The following SPEG variants were observed in gnomAD, a reference collection of about 807,000 sequenced individuals.
SPEG encodes striated muscle preferentially expressed protein kinase.
SPEG carries 114 observed loss-of-function variants against 300.4 expected under a neutral mutation model. The ratio of observed to expected loss-of-function variants is 0.38; its 90% CI spans 0.33 to 0.44. The LOEUF (loss-of-function observed/expected upper bound fraction) is 0.44. SPEG is among the 20% of genes least tolerant of loss of function. The probability of loss-of-function intolerance (pLI) is 1.00; values close to 1 mark genes in which losing one functional copy is unlikely to be tolerated. For missense variants in SPEG, 4,201 were observed against 4,586.2 expected, an observed-to-expected ratio of 0.92 and a Z score of 2.43; for synonymous variants, 1,964 against 2,018.9, an observed-to-expected ratio of 0.97 and a Z score of 0.73.
intron 9 of SPEG, chr2:219,466,971 G>T: frequency 1.9e-6 from 2 of 1,060,702 alleles, no homozygotes; most frequent in South Asian, 2.7e-5. Flanking sequence ...ACCCTCCCTG[G>T]CCCAGCTTGG....
chr2:219,484,920 C>T lies in SPEG; in HGVS notation c.7457C>T (p.Pro2486Leu), dbSNP rs372980452. Reference sequence around the variant, plus strand: ...GGGGGCGCGTCGGGCCGCAGCACGCCGCTGTTCGGACGGCTTCGCAGGGCC... The same window carrying T: ...GGGGGCGCGTCGGGCCGCAGCACGCTGCTGTTCGGACGGCTTCGCAGGGCC... ...DSGGASGRST[P>L]LFGRLRRATS... Residue 2486 changes from proline to leucine, a missense_variant, in exon 30 of 41, where the codon CCG becomes CTG. Coordinates refer to ENST00000312358, the MANE Select transcript of SPEG (RefSeq NM_005876.5). 1 of 1,527,914 alleles carries T rather than the reference C, an allele frequency of 6.5e-7. No homozygotes were observed. Among genetic ancestry groups the T allele is most frequent in the Non-Finnish European group, 8.7e-7 (1 of 1,144,270 alleles). The allele number at this position is 1,527,914 out of a possible 1,614,324, so 94.6% of individuals were successfully genotyped here.
In SPEG at chr2:219,471,908, T is replaced by A; in HGVS notation, c.3756T>A (p.Pro1252=). The A allele has an allele frequency of 6.2e-7, 1 of 1,614,030 alleles. No individual in the cohort carries two copies. The highest frequency in any genetic ancestry group is 8.5e-7 in the Non-Finnish European group (1 of 1,179,980). The change falls in exon 14 of 41, where the codon CCT becomes CCA. Residue 1252 remains proline, a synonymous_variant. Coordinates refer to ENST00000312358, the MANE Select transcript of SPEG (RefSeq NM_005876.5). ...VHRLVFPAVG[P]QHAGVYKSVI... ...GCTTGGTGTTCCCTGCCGTGGGGCC[T>A]CAGCACGCCGGTGTCTACAAGAGCG... is the stretch of plus-strand genomic sequence containing the variant.
In SPEG at chr2:219,477,648, T is replaced by C; in HGVS notation, c.4730-41T>C. ...TGTCCCAGTCTCTGGCCTGCTTGCTTTCTTCCCCTCCCACCTAACACCATG... is the reference window on the plus strand; with the variant it reads ...TGTCCCAGTCTCTGGCCTGCTTGCTCTCTTCCCCTCCCACCTAACACCATG... On this transcript the variant is annotated intron_variant, in intron 20 of 40. Transcript: ENST00000312358. The surrounding 1 kb of genome is among the most constrained non-coding windows in gnomAD (Gnocchi z 6.4). 6.6e-7 allele frequency: 1 copy of C among 1,509,770 alleles called. No individual in the cohort carries two copies. Among genetic ancestry groups the C allele is most frequent in the South Asian group, 1.3e-5 (1 of 76,954 alleles). 93.5% of individuals were successfully genotyped at this position (1,509,770 alleles called of 1,614,324 possible). A position where few individuals can be genotyped will look rare whatever the true frequency, so the allele number is the denominator to read the frequency against.
At chr2:219,471,019 TTGC>T (rs1318894420) in intron 13 of SPEG, among the ~76,000 whole-genome samples, 4 of 152,200 alleles carry the variant, frequency 2.6e-5, no homozygotes, top group Non-Finnish European at 5.9e-5. Flanking sequence ...TTTAAGGAGC[TTGC>T]AGACCAGGTC....
At chr2:219,482,447 CG>C in intron 28 of SPEG, 1 of 267,834 alleles carries the variant, frequency 3.7e-6, no homozygotes, top group South Asian at 8.9e-5. Flanking sequence ...AGCCAGGACC[CG>C]GGTAAAGGGC....
chr2:219,479,973 G>A lies in SPEG; in HGVS notation c.5175G>A (p.Leu1725=), dbSNP rs1483157280. Residue 1725 remains leucine (L), a synonymous_variant, in exon 25 of 41, where the codon CTG becomes CTA. Transcript: ENST00000312358. The surrounding 1 kb of genome is among the most constrained non-coding windows in gnomAD (Gnocchi z 5.5). ...VLHLDVKPEN[L]LVWDGAAGEQ... ...CTTGTGTCTTCCAGCCTGAGAACCT[G>A]CTGGTGTGGGATGGTGCTGCGGGCG... The A allele has an allele frequency of 6.2e-7, 1 of 1,614,188 alleles. No individual in the cohort carries two copies. Among genetic ancestry groups the A allele is most frequent in the Non-Finnish European group, 8.5e-7 (1 of 1,180,018 alleles).
At position 219,448,910 on chromosome 2, in the gene SPEG, A is replaced by G; in HGVS notation, c.1752A>G (p.Glu584=). The change falls in exon 4 of 41, where the codon GAA becomes GAG. Residue 584 remains glutamate (E), a synonymous_variant. Transcript: ENST00000312358. Reference sequence around the variant, plus strand: ...CGGCGGGCAGGACAGAGCCGGGGGAAGGCCCGCAGCAGGAGGTTAGGCGTC... The same window carrying G: ...CGGCGGGCAGGACAGAGCCGGGGGAGGGCCCGCAGCAGGAGGTTAGGCGTC... ...RGPAGRTEPG[E]GPQQEVRRRD... is the part of the protein sequence containing the mutation. 1 of 1,462,578 alleles carries G rather than the reference A, an allele frequency of 6.8e-7. No individual in the cohort carries two copies. The highest frequency in any genetic ancestry group is 9.0e-7 in the Non-Finnish European group (1 of 1,113,410). The allele number at this position is 1,462,578 out of a possible 1,614,324, so 90.6% of individuals were successfully genotyped here.
chr2:219,448,883 GC>G lies in SPEG; in HGVS notation c.1727del (p.Pro576ArgfsTer23). ...AGCCTGGGAGGCCCAGGAGCCGCGG[GC>G]CGGCGGGCAGGACAGAGCCGGGGGA... ...DEPGRPRSRG[P>X]AGRTEPGEGP... On this transcript the variant is annotated frameshift_variant, in exon 4 of 41. Transcript: ENST00000312358. LOFTEE classifies it high-confidence loss of function. The G allele has an allele frequency of 7.1e-7, 1 of 1,411,016 alleles. No homozygotes were observed. The highest frequency in any genetic ancestry group is 1.5e-5 in the South Asian group (1 of 65,200). The allele number at this position is 1,411,016 out of a possible 1,614,324, so 87.4% of individuals were successfully genotyped here.
rs1011486671 is a variant in SPEG, at chr2:219,484,602, C to A, written c.7139C>A (p.Thr2380Asn). The A allele has an allele frequency of 2.6e-6, 4 of 1,562,702 alleles. No homozygotes were observed. Among genetic ancestry groups the A allele is most frequent in the Non-Finnish European group, 3.5e-6 (4 of 1,158,260 alleles). Residue 2380 changes from threonine (T) to asparagine (N), a missense_variant, in exon 30 of 41, where the codon ACC becomes AAC. Physicochemically the swap from Thr to Asn is moderately conservative, Grantham distance 65. Coordinates refer to ENST00000312358, the MANE Select transcript of SPEG (RefSeq NM_005876.5). Reference protein sequence around the residue: ...DGIYRPSPAGTPLELVRRPER... With the variant: ...DGIYRPSPAGNPLELVRRPER... ...ATATACCGGCCCAGCCCGGCGGGGA[C>A]CCCGCTGGAGCTGGTGCGACGGCCT... is the stretch of plus-strand genomic sequence containing the variant.
intron 15 of SPEG, 144 bp from the exon 16 acceptor site, chr2:219,472,746 G>C (rs1054470874): frequency 4.6e-6 from 3 of 658,734 alleles, no homozygotes; most frequent in Admixed American, 3.1e-5. Context: ...AAGAGCAGAT[G>C]GGGGGACAGG....
In SPEG at chr2:219,444,712, C is replaced by G. The variant is rs1324038831; in HGVS notation, c.448C>G (p.Arg150Gly). Reference protein sequence around the residue: ...DVQGTQRLELRDDGAFSTPTG... With the variant: ...DVQGTQRLELGDDGAFSTPTG... ...GCAGGGAACCCAGCGCCTGGAGCTTCGGGATGACGGGGCCTTCAGCACCCC... is the reference window on the plus strand; with the variant it reads ...GCAGGGAACCCAGCGCCTGGAGCTTGGGGATGACGGGGCCTTCAGCACCCC... Residue 150 changes from arginine (R) to glycine (G), a missense_variant, in exon 2 of 41, where the codon CGG becomes GGG. Coordinates refer to ENST00000312358, the MANE Select transcript of SPEG (RefSeq NM_005876.5). The surrounding 1 kb of genome is among the most constrained non-coding windows in gnomAD (Gnocchi z 7.8). 1 of 1,613,990 alleles carries G rather than the reference C, an allele frequency of 6.2e-7. No individual in the cohort carries two copies.
intron 9 of SPEG, chr2:219,465,967 G>T: frequency 8.9e-7 from 1 of 1,124,776 alleles, no homozygotes; most frequent in Non-Finnish European, 1.3e-6. Flanking sequence ...GCGTGTGCAT[G>T]CGTGTGTGTG....
chr2:219,480,845 G>A lies in SPEG; in HGVS notation c.5369+148G>A. ...CATGTGCATGAAGGTGGACACCCCTGTCTGCATGCCCACACTCTGCCTGTC... is the reference window on the plus strand; with the variant it reads ...CATGTGCATGAAGGTGGACACCCCTATCTGCATGCCCACACTCTGCCTGTC... On this transcript the variant is annotated intron_variant, in intron 26 of 40. Transcript: ENST00000312358. This position sits in a 1 kb window ranked among gnomAD's most constrained non-coding sequence, Gnocchi z 5.3. 1 of 767,392 alleles carries A rather than the reference G, an allele frequency of 1.3e-6. No homozygotes were observed. The highest frequency in any genetic ancestry group is 2.2e-6 in the Non-Finnish European group (1 of 448,006). The allele number at this position is 767,392 out of a possible 1,614,324, so 47.5% of individuals were successfully genotyped here. A position where few individuals can be genotyped will look rare whatever the true frequency, so the allele number is the denominator to read the frequency against.
intron 7 of SPEG, 29 bp from the exon 8 acceptor site, chr2:219,462,269 C>T (rs749063743): frequency 4.5e-6 from 7 of 1,539,632 alleles, no homozygotes; most frequent in South Asian, 1.2e-5. Context: ...GCCCTGTCTT[C>T]CCCTGACACT....
Position 219,473,106 on chromosome 2 carries a change from G to T in SPEG, c.4147+10G>T, listed in dbSNP as rs1250843505. On this transcript the variant is annotated intron_variant, in intron 16 of 40. Coordinates refer to ENST00000312358, the MANE Select transcript of SPEG (RefSeq NM_005876.5). This position sits in a 1 kb window ranked among gnomAD's most constrained non-coding sequence, Gnocchi z 4.6. Reference sequence around the variant, plus strand: ...CAGCTGCTGGAGCACGGTGAGCCTGGGTGCTCCTGTCGGGTGGGGGTGGGA... The same window carrying T: ...CAGCTGCTGGAGCACGGTGAGCCTGTGTGCTCCTGTCGGGTGGGGGTGGGA... The T allele has an allele frequency of 6.2e-7, 1 of 1,612,154 alleles. No homozygotes were observed. Among genetic ancestry groups the T allele is most frequent in the Non-Finnish European group, 8.5e-7 (1 of 1,179,264 alleles).
rs1431084811 is a variant in SPEG, at chr2:219,483,528, G to A, written c.6065G>A (p.Arg2022Gln). The A allele has an allele frequency of 7.1e-6, 10 of 1,405,996 alleles. No homozygotes were observed. The South Asian group carries it at 1.2e-4, about 18-fold the overall frequency. 87.1% of individuals were successfully genotyped at this position (1,405,996 alleles called of 1,614,324 possible). A position where few individuals can be genotyped will look rare whatever the true frequency, so the allele number is the denominator to read the frequency against. Residue 2022 changes from arginine to glutamine, a missense_variant, in exon 30 of 41, where the codon CGG becomes CAG. By Grantham distance (43) the Arg-to-Gln change is conservative. This residue lies in a region of SPEG where 1,578 missense variants were observed against 1,506.0 expected (regional missense o/e 1.05). Transcript: ENST00000312358. ...RGSSAESALP[R>Q]AGPRELGRGL... Reference sequence around the variant, plus strand: ...AGCTCGGCTGAGAGCGCCCTGCCCCGGGCCGGGCCGCGGGAGCTGGGCCGG... The same window carrying A: ...AGCTCGGCTGAGAGCGCCCTGCCCCAGGCCGGGCCGCGGGAGCTGGGCCGG...
At position 219,451,918 on chromosome 2, in the gene SPEG, GC is replaced by G; in HGVS notation, c.2440+113del. The G allele has an allele frequency of 8.7e-7, 1 of 1,147,306 alleles. No individual in the cohort carries two copies. Among genetic ancestry groups the G allele is most frequent in the Non-Finnish European group, 1.2e-6 (1 of 839,508 alleles). 71.1% of individuals were successfully genotyped at this position (1,147,306 alleles called of 1,614,324 possible). On this transcript the variant is annotated intron_variant, in intron 6 of 40. Transcript: ENST00000312358. The surrounding 1 kb of genome is among the most constrained non-coding windows in gnomAD (Gnocchi z 6.4). Reference sequence around the variant, plus strand: ...TCTCAGCCTTGAGCTTGGGCACCCCGCCAGCATACTTAGTCCATGCAGTCCC... The same window carrying G: ...TCTCAGCCTTGAGCTTGGGCACCCCGCAGCATACTTAGTCCATGCAGTCCC...
intron 13 of SPEG, 117 bp from the exon 14 acceptor site, chr2:219,471,751 C>T (rs1242303623): frequency 3.1e-6 from 4 of 1,308,290 alleles, no homozygotes; most frequent in Non-Finnish European, 4.2e-6. Context: ...CATCCTTGCC[C>T]ACTCGCCTCC....
intron 40 of SPEG, 79 bp from the exon 41 acceptor site, chr2:219,492,515 A>T: frequency 6.8e-7 from 1 of 1,469,564 alleles, no homozygotes; most frequent in East Asian, 2.3e-5. Flanking sequence ...GGACTGGGAC[A>T]TGGGTCTGCG....
Sources: allele counts gnomAD v4.1 joint callset (sites outside exome capture counted in the v4.1 genomes callset), GRCh38; gene constraint gnomAD v4.1.1; regional missense constraint gnomAD v4.1.1; non-coding constraint Gnocchi (gnomAD v3.1); transcripts MANE v1.5; gene names NCBI Gene and HGNC (gene_info 2026-07-23, HGNC 2026-07-21).